Variants in TMEM67 observed in about 807,000 individuals in gnomAD.
TMEM67 encodes transmembrane protein 67, also known as meckelin.
A neutral mutation model predicts 136.6 loss-of-function variants in TMEM67; 124 were observed. The ratio of observed to expected loss-of-function variants is 0.91; its 90% CI spans 0.78 to 1.05. The LOEUF is 1.05. Ranked by LOEUF, TMEM67 falls within the 50% of genes least tolerant of loss-of-function variation. The pLI, the probability that TMEM67 is intolerant of heterozygous loss-of-function variation, is 0.00. For synonymous variants in TMEM67, 364 were observed against 390.5 expected (o/e 0.93, Z 0.80); for missense variants, 1,107 against 1,178.4 (o/e 0.94, Z 0.89).
intron 3 of TMEM67, chr8:93,758,853 C>T (rs1812695525): frequency 2.7e-6 from 1 of 373,416 alleles, no homozygotes; most frequent in African/African-American, 2.1e-5. Flanking sequence ...CCTGCCTCAG[C>T]CTCCTAAAGT....
chr8:93,812,791 C>A (rs563204298), intron 26 of TMEM67, among the ~76,000 whole-genome samples: 21 of 152,354 alleles, frequency 1.4e-4, no homozygotes, highest in African/African-American at 5.0e-4. Context: ...GGCTGGAGCA[C>A]AATGGTGCAA....
At chr8:93,777,089 T>G (rs576271415) in intron 7 of TMEM67, among the ~76,000 whole-genome samples, 36 of 152,334 alleles carry the variant, frequency 2.4e-4, no homozygotes, top group African/African-American at 8.4e-4. Context: ...GGAGGGTGTA[T>G]GTGTCGAGGA....
At chr8:93,805,784 A>G (rs1048970029) in intron 23 of TMEM67, among the ~76,000 whole-genome samples, 1 of 152,202 alleles carries the variant, frequency 6.6e-6, no homozygotes, top group African/African-American at 2.4e-5. Flanking sequence ...TGCAATGACT[A>G]ATGGATTGAT....
chr8:93,781,689 A>G lies in TMEM67; in HGVS notation c.1010A>G (p.Tyr337Cys), dbSNP rs762755947. The G allele has an allele frequency of 2.5e-6, 4 of 1,608,056 alleles. No homozygotes were observed. Among genetic ancestry groups the G allele is most frequent in the Non-Finnish European group, 3.4e-6 (4 of 1,176,574 alleles). Residue 337 changes from tyrosine (Y) to cysteine (C), a missense_variant, in exon 10 of 28, where the codon TAT (tyrosine) becomes TGT (cysteine). Coordinates refer to ENST00000453321, the MANE Select transcript of TMEM67 (RefSeq NM_153704.6). The stretch of plus-strand genomic sequence containing the variant: ...AAACTGAAGTTTGTTGCTGCTTCCT[A>G]TGATATAAGAGGAAATTTTCTCAAG... ...NTKLKFVAASYDIRGNFLKWQ... is the reference protein window; with the variant it reads ...NTKLKFVAASCDIRGNFLKWQ...
intron 1 of TMEM67, 102 bp downstream of exon 1, chr8:93,755,239 C>T: frequency 8.4e-7 from 1 of 1,188,146 alleles, no homozygotes; most frequent in East Asian, 2.4e-5. Context: ...AGGCTAGTCT[C>T]GAACTTCTGA....
At chr8:93,810,700 G>T (rs1186780568) in intron 26 of TMEM67, among the ~76,000 whole-genome samples, 1 of 152,008 alleles carries the variant, frequency 6.6e-6, no homozygotes, top group East Asian at 1.9e-4. Context: ...ATACATACAA[G>T]ATTCTATAAG....
intron 7 of TMEM67, among the ~76,000 whole-genome samples, chr8:93,779,787 G>A (rs370472824): frequency 5.9e-5 from 9 of 152,202 alleles, no homozygotes; most frequent in South Asian, 2.1e-4. Flanking sequence ...GGTGTCTGTC[G>A]GCCCCTACTG....
chr8:93,763,803 C>CTATGAGTTACATCTTTA (rs748005469), intron 3 of TMEM67, 39 bp from the exon 4 acceptor site: 1 of 1,347,408 alleles, frequency 7.4e-7, no homozygotes, highest in South Asian at 1.2e-5. Context: ...TATATGTTTA[C>CTATGAGTTACATCTTTA]TATGAGTTAC....
chr8:93,826,906 C>T, the TMEM67 span, among the ~76,000 whole-genome samples: 7 of 151,980 alleles, frequency 4.6e-5, no homozygotes, highest in South Asian at 6.2e-4. Context: ...CTCGGCTCAC[C>T]GCAACCTCTG....
chr8:93,785,895 T>C (rs1169516273), intron 12 of TMEM67: 1 of 320,720 alleles, frequency 3.1e-6, no homozygotes, highest in East Asian at 7.9e-5. Context: ...GCAACATAAT[T>C]AGAACTGGTT....
intron 14 of TMEM67, among the ~76,000 whole-genome samples, chr8:93,790,255 A>G (rs1814316577): frequency 6.6e-6 from 1 of 152,210 alleles, no homozygotes. Context: ...GATCAGGACC[A>G]TCTAATATGA....
chr8:93,775,043 A>G (rs1467746850), intron 7 of TMEM67, among the ~76,000 whole-genome samples: 1 of 152,074 alleles, frequency 6.6e-6, no homozygotes, highest in Non-Finnish European at 1.5e-5. Flanking sequence ...TTTAATGATC[A>G]CCATTTTAAC....
chr8:93,814,412 CT>C lies in TMEM67; in HGVS notation c.2765-878del, dbSNP rs756690084. Reference sequence around the variant, plus strand: ...CCTCGGCCTCCCAAGTTTATGTATACTTTTTTTTTTTTTTTCCTAATGGAAA... The same window carrying C: ...CCTCGGCCTCCCAAGTTTATGTATACTTTTTTTTTTTTTTCCTAATGGAAA... On this transcript the variant is annotated intron_variant, in intron 26 of 27. Coordinates refer to ENST00000453321, the MANE Select transcript of TMEM67 (RefSeq NM_153704.6). Among the ~76,000 whole-genome samples the C allele has an allele frequency of 9.4e-3, 1,212 of 128,620 alleles. 11 individuals carry two copies. Among genetic ancestry groups the C allele is most frequent in the African/African-American group, 0.024 (845 of 35,052 alleles). 84.4% of individuals were successfully genotyped at this position (128,620 alleles called of 152,430 possible).
chr8:93,808,537 ATAATC>A (rs968656521), intron 23 of TMEM67, among the ~76,000 whole-genome samples: 5 of 6,426 alleles, frequency 7.8e-4, no homozygotes, highest in South Asian at 0.012. Flanking sequence ...ATATATATCT[ATAATC>A]TATATATATC....
chr8:93,781,495 C>G (rs1813825316), intron 9 of TMEM67, among the ~76,000 whole-genome samples, 163 bp from the exon 10 acceptor site: 1 of 151,420 alleles, frequency 6.6e-6, no homozygotes. Flanking sequence ...CTAATTCTTT[C>G]AGGTCTATTT....
intron 21 of TMEM67, among the ~76,000 whole-genome samples, chr8:93,800,908 C>G (rs1326053240): frequency 1.3e-5 from 2 of 151,168 alleles, no homozygotes; most frequent in African/African-American, 4.9e-5. Context: ...GCTCGTACCC[C>G]TTGTGGAGTT....
intron 2 of TMEM67, chr8:93,756,697 C>T (rs182384820): frequency 6.6e-6 from 1 of 151,870 alleles, no homozygotes; most frequent in African/African-American, 2.4e-5. Flanking sequence ...GCTGAATTAC[C>T]CATGATAAAA....
At chr8:93,810,090 TC>T in intron 26 of TMEM67, 1 of 391,986 alleles carries the variant, frequency 2.6e-6, no homozygotes. Context: ...TGCCTCAGCT[TC>T]CCAAGTAGCT....
intron 15 of TMEM67, among the ~76,000 whole-genome samples, chr8:93,792,228 G>T (rs1258867067): frequency 6.6e-6 from 1 of 151,760 alleles, no homozygotes; most frequent in Non-Finnish European, 1.5e-5. Flanking sequence ...CTGGAGTGCA[G>T]TGGCGCTATC....
Sources: gnomAD v4.1 joint callset for allele counts (sites outside exome capture counted in the v4.1 genomes callset) on GRCh38, gnomAD v4.1.1 for gene constraint, MANE v1.5 for transcripts, NCBI Gene and HGNC (gene_info 2026-07-23, HGNC 2026-07-21) for gene names.